The following PPARA variants were observed in gnomAD, a reference collection of about 807,000 sequenced individuals.
PPARA encodes peroxisome proliferator activated receptor alpha.
A neutral mutation model predicts 42.2 loss-of-function variants in PPARA; 22 were observed. That is an observed-to-expected ratio of 0.52 (90% CI 0.37 to 0.74). PPARA has a LOEUF of 0.74. Among genes scored for constraint, PPARA ranks in the 30% least tolerant of loss-of-function variants. The pLI, the probability that PPARA is intolerant of heterozygous loss-of-function variation, is 0.00. For synonymous variants in PPARA, 242 were observed against 239.3 expected (o/e 1.01, Z -0.10); for missense variants, 465 against 608.2 (o/e 0.76, Z 2.48).
rs529093890 is a variant in PPARA at position 46,224,600 on chromosome 22, G to A, written c.711+4586G>A. Among the ~76,000 whole-genome samples the A allele has an allele frequency of 9.8e-5, 15 of 152,344 alleles. No homozygotes were observed. Among genetic ancestry groups the A allele is most frequent in the East Asian group, 9.7e-4 (5 of 5,180 alleles). ...CCACAGAGCCTCAGGAAGGCACACT[G>A]ACCTCAGGGCCGGCGGCTGACTTCA... On this transcript the variant is annotated intron_variant, in intron 7 of 8. Coordinates refer to ENST00000407236, the MANE Select transcript of PPARA (RefSeq NM_005036.6). The surrounding 1 kb of genome is among the most constrained non-coding windows in gnomAD (Gnocchi z 5.7).
At position 46,233,030 on chromosome 22, in the gene PPARA, C is replaced by T. The variant is rs971605647; in HGVS notation, c.1159+791C>T. ...TACACACACACACACACACACATTT[C>T]GTTTATATTATATCTAATATTATAA... On this transcript the variant is annotated intron_variant, in intron 8 of 8. Transcript: ENST00000407236. This position sits in a 1 kb window ranked among gnomAD's most constrained non-coding sequence, Gnocchi z 7.3. 4.8e-5 allele frequency among the ~76,000 whole-genome samples: 7 copies of T among 147,296 alleles called. No homozygotes were observed. Among genetic ancestry groups the T allele is most frequent in the East Asian group, 2.0e-4 (1 of 5,110 alleles).
intron 7 of PPARA, among the ~76,000 whole-genome samples, chr22:46,226,185 G>A (rs1296478536): frequency 2.0e-5 from 3 of 150,788 alleles, no homozygotes; most frequent in African/African-American, 4.9e-5. Flanking sequence ...ATGCTCACAC[G>A]CATACCCACA....
chr22:46,155,340 G>A (rs929744628), intron 2 of PPARA: 4 of 152,158 alleles, frequency 2.6e-5, no homozygotes, highest in African/African-American at 7.2e-5. Flanking sequence ...TTGAGACGGA[G>A]TTTAGCTCTT....
chr22:46,165,790 C>A lies in PPARA; in HGVS notation c.-126-10963C>A, dbSNP rs1436531288. ...ATATCCTTCTGGAGGAACAGAGCCT[C>A]ATCCTAGGCCTCTAATTATTTTTAA... On this transcript the variant is annotated intron_variant, in intron 2 of 8. Transcript: ENST00000407236. The surrounding 1 kb of genome is among the most constrained non-coding windows in gnomAD (Gnocchi z 5.5). 2.0e-5 allele frequency among the ~76,000 whole-genome samples: 3 copies of A among 152,208 alleles called. No individual in the cohort carries two copies. The highest frequency in any genetic ancestry group is 7.2e-5 in the African/African-American group (3 of 41,438).
intron 2 of PPARA, among the ~76,000 whole-genome samples, chr22:46,170,862 A>G (rs1396081117): frequency 2.0e-5 from 3 of 151,546 alleles, no homozygotes; most frequent in Non-Finnish European, 4.4e-5. Flanking sequence ...AAGAAGTAGG[A>G]TAAAGTACAG....
intron 2 of PPARA, among the ~76,000 whole-genome samples, chr22:46,157,575 A>G (rs1455142832): frequency 6.6e-6 from 1 of 152,220 alleles, no homozygotes; most frequent in African/African-American, 2.4e-5. Flanking sequence ...GGGGTATATT[A>G]TGGATTAAAT....
rs1052422393 is a variant in PPARA, at chr22:46,203,088, C to T, written c.208+4497C>T. On this transcript the variant is annotated intron_variant, in intron 4 of 8. Coordinates refer to ENST00000407236, the MANE Select transcript of PPARA (RefSeq NM_005036.6). This position sits in a 1 kb window ranked among gnomAD's most constrained non-coding sequence, Gnocchi z 5.8. Reference sequence around the variant, plus strand: ...ATTTCTTATTTCCCCCTCAGCATTTCCTCACTGTTATTCATACATGTGGTC... The same window carrying T: ...ATTTCTTATTTCCCCCTCAGCATTTTCTCACTGTTATTCATACATGTGGTC... Among the ~76,000 whole-genome samples the T allele has an allele frequency of 2.0e-5, 3 of 152,158 alleles. No homozygotes were observed. Among genetic ancestry groups the T allele is most frequent in the Non-Finnish European group, 4.4e-5 (3 of 68,028 alleles).
chr22:46,197,675 G>T (rs1601715689), intron 3 of PPARA, among the ~76,000 whole-genome samples: 1 of 151,904 alleles, frequency 6.6e-6, no homozygotes, highest in South Asian at 2.1e-4. Context: ...GCCGAGGCGG[G>T]CGGATCACCT....
rs1931757880 is a variant in PPARA at position 46,192,964 on chromosome 22, C to T, written c.-42-5378C>T. ...TCAGAGAGATTAGAAGGATGGTTAC[C>T]AGAGGCTGGGAAGGGTGGTGAGGGG... On this transcript the variant is annotated intron_variant, in intron 3 of 8. Transcript: ENST00000407236. The surrounding 1 kb of genome is among the most constrained non-coding windows in gnomAD (Gnocchi z 4.3). 6.6e-6 allele frequency among the ~76,000 whole-genome samples: 1 copy of T among 152,088 alleles called. No individual in the cohort carries two copies. The highest frequency in any genetic ancestry group is 2.4e-5 in the African/African-American group (1 of 41,402).
intron 3 of PPARA, among the ~76,000 whole-genome samples, chr22:46,186,168 C>T (rs568169534): frequency 2.0e-5 from 3 of 151,606 alleles, no homozygotes; most frequent in South Asian, 4.2e-4. Flanking sequence ...GCAGTGTAGA[C>T]TTACATTCAT....
At chr22:46,170,644 A>G (rs1927873195) in intron 2 of PPARA, among the ~76,000 whole-genome samples, 1 of 151,726 alleles carries the variant, frequency 6.6e-6, no homozygotes, top group East Asian at 1.9e-4. Context: ...TGCCTGGTGT[A>G]GGAGAGGAAG....
chr22:46,201,124 CAAA>C (rs1361052121), intron 4 of PPARA, among the ~76,000 whole-genome samples: 4 of 61,720 alleles, frequency 6.5e-5, no homozygotes, highest in Admixed American at 1.9e-4. Flanking sequence ...GATTCCGTCT[CAAA>C]AAAAAAAAAA....
intron 4 of PPARA, among the ~76,000 whole-genome samples, chr22:46,202,090 G>A (rs1932865198): frequency 6.6e-6 from 1 of 151,978 alleles, no homozygotes; most frequent in African/African-American, 2.4e-5. Flanking sequence ...GGAGTGGGTG[G>A]GTGTGTGGCT....
rs893977161 is a variant in PPARA at position 46,235,588 on chromosome 22, G to A, written c.*208G>A. 5 of 651,322 alleles carry A rather than the reference G, an allele frequency of 7.7e-6. No homozygotes were observed. Among genetic ancestry groups the A allele is most frequent in the East Asian group, 2.9e-5 (1 of 34,706 alleles). 40.3% of individuals were successfully genotyped at this position (651,322 alleles called of 1,614,324 possible). On this transcript the variant is annotated 3_prime_UTR_variant, in exon 9 of 9. Coordinates refer to ENST00000407236, the MANE Select transcript of PPARA (RefSeq NM_005036.6). This position sits in a 1 kb window ranked among gnomAD's most constrained non-coding sequence, Gnocchi z 7.0. ...GCATAGAACTCAAATGCTGGGGGTA[G>A]GTGGCTAATCTCAGGACTGGGAAGA...
chr22:46,160,406 C>T lies in PPARA; in HGVS notation c.-127+8436C>T, dbSNP rs1257491149. Among the ~76,000 whole-genome samples, 2 of 152,084 alleles carry T rather than the reference C, an allele frequency of 1.3e-5. No homozygotes were observed. The highest frequency in any genetic ancestry group is 2.1e-4 in the South Asian group (1 of 4,822). ...CTGCCTCCTGGGTTCAAGCGATTCT[C>T]CTGCCTCAGCCTCCTACATAGCTGG... On this transcript the variant is annotated intron_variant, in intron 2 of 8. Transcript: ENST00000407236. This position sits in a 1 kb window ranked among gnomAD's most constrained non-coding sequence, Gnocchi z 4.5.
rs1465350136 is a variant in PPARA, at chr22:46,211,275, T to C, written c.209-3898T>C. On this transcript the variant is annotated intron_variant, in intron 4 of 8. Transcript: ENST00000407236. This position sits in a 1 kb window ranked among gnomAD's most constrained non-coding sequence, Gnocchi z 4.1. ...GATGGATCGTTCTAGCCTCCTCCAC[T>C]TGCCTACCTGTCAATTCACCATTCC... 6.6e-6 allele frequency among the ~76,000 whole-genome samples: 1 copy of C among 152,212 alleles called. No homozygotes were observed. The highest frequency in any genetic ancestry group is 2.4e-5 in the African/African-American group (1 of 41,448).
In PPARA at chr22:46,235,724, A is replaced by G; in HGVS notation, c.*344A>G. 1 of 339,530 alleles carries G rather than the reference A, an allele frequency of 2.9e-6. No individual in the cohort carries two copies. Among genetic ancestry groups the G allele is most frequent in the Non-Finnish European group, 5.7e-6 (1 of 176,536 alleles). 21.0% of individuals were successfully genotyped at this position (339,530 alleles called of 1,614,324 possible). On this transcript the variant is annotated 3_prime_UTR_variant, in exon 9 of 9. Coordinates refer to ENST00000407236, the MANE Select transcript of PPARA (RefSeq NM_005036.6). The surrounding 1 kb of genome is among the most constrained non-coding windows in gnomAD (Gnocchi z 7.0). ...CCATTTAATTAACTGGTAACCTCAA[A>G]ATTCGTGGCCTGTCTTCCCATTCAC... is the stretch of plus-strand genomic sequence containing the variant.
chr22:46,186,245 C>G (rs926291646), intron 3 of PPARA, among the ~76,000 whole-genome samples: 1 of 151,942 alleles, frequency 6.6e-6, no homozygotes, highest in Non-Finnish European at 1.5e-5. Context: ...TTAAGTAATG[C>G]GAAGTCCTTG....
rs377539360 is a variant in PPARA, at chr22:46,198,357, C to A, written c.-27C>A. 83 of 1,606,574 alleles carry A rather than the reference C, an allele frequency of 5.2e-5. No individual in the cohort carries two copies. The highest frequency in any genetic ancestry group is 7.0e-5 in the Non-Finnish European group (82 of 1,173,704). ...TTCCTCCCAGTAGCTTGGAGCTCGG[C>A]GGCACAACCAGCACCATCTGGTCGC... On this transcript the variant is annotated 5_prime_UTR_variant, in exon 4 of 9. Transcript: ENST00000407236.
Sources: gnomAD v4.1 joint callset for allele counts (sites outside exome capture counted in the v4.1 genomes callset) on GRCh38, gnomAD v4.1.1 for gene constraint, Gnocchi (gnomAD v3.1) non-coding constraint, MANE v1.5 for transcripts, NCBI Gene and HGNC (gene_info 2026-07-23, HGNC 2026-07-21) for gene names.